Variants in WASF3 observed in about 807,000 individuals in gnomAD.
The protein encoded by WASF3 is WASP family member 3, also known as actin-binding protein WASF3.
Under a neutral mutation model 46.6 loss-of-function variants are expected in WASF3, and 11 were observed. That is an observed-to-expected ratio of 0.24 (90% CI 0.15 to 0.39). The LOEUF (loss-of-function observed/expected upper bound fraction) is 0.39, where lower values mean the gene tolerates loss of function less well. Among genes scored for constraint, WASF3 ranks in the 10% least tolerant of loss-of-function variants. The pLI is 1.00. For synonymous variants in WASF3, 242 were observed against 259.7 expected, an observed-to-expected ratio of 0.93 and a Z score of 0.65; for missense variants, 576 against 669.8, an observed-to-expected ratio of 0.86 and a Z score of 1.55.
chr13:26,590,663 T>G (rs1409031970), intron 1 of WASF3, among the ~76,000 whole-genome samples: 1 of 152,234 alleles, frequency 6.6e-6, no homozygotes, highest in African/African-American at 2.4e-5. Flanking sequence ...AATATTTCTC[T>G]GCGTTCTTCT....
At chr13:26,545,079 G>C in the WASF3 span, among the ~76,000 whole-genome samples, 2 of 152,200 alleles carry the variant, frequency 1.3e-5, no homozygotes, top group Non-Finnish European at 2.9e-5. Flanking sequence ...TCAGAGCATC[G>C]TGTTGTTCTT....
intron 2 of WASF3, among the ~76,000 whole-genome samples, chr13:26,636,593 G>A (rs961400066): frequency 1.3e-5 from 2 of 152,216 alleles, no homozygotes; most frequent in African/African-American, 2.4e-5. Flanking sequence ...CTTCTGCGTC[G>A]ATCATGCTGG....
intron 1 of WASF3, among the ~76,000 whole-genome samples, chr13:26,603,440 G>A (rs537982080): frequency 3.9e-5 from 6 of 152,292 alleles, no homozygotes; most frequent in Non-Finnish European, 5.9e-5. Flanking sequence ...GGAGGCAATA[G>A]GAAGTCAGAG....
At chr13:26,606,544 T>C (rs1880805312) in intron 1 of WASF3, 1 of 150,974 alleles carries the variant, frequency 6.6e-6, no homozygotes, top group Non-Finnish European at 1.5e-5. Flanking sequence ...TTTTTTAAGA[T>C]ACGGATTTTG....
chr13:26,652,342 A>G (rs1008511512), intron 3 of WASF3, among the ~76,000 whole-genome samples: 1 of 152,240 alleles, frequency 6.6e-6, no homozygotes, highest in Non-Finnish European at 1.5e-5. Flanking sequence ...ATGTATATGT[A>G]CCTAACAAGA....
Position 26,682,857 on chromosome 13 carries a change from T to A in WASF3, c.1234T>A (p.Ser412Thr). ...PPPPGPPGPG[S>T]SLSSSPMHGP... ...CCCGCCAGGCCCTCCTGGTCCCGGG[T>A]CTTCTCTTTCGTCCTCCCCAATGCA... Residue 412 changes from serine (S) to threonine (T), a missense_variant, in exon 9 of 10, where the codon TCT becomes ACT. Ser to Thr is a moderately conservative substitution (Grantham distance 58, BLOSUM62 1). Around this residue, in one of 3 missense-constraint regions of WASF3, gnomAD observed 295 missense variants for 291.5 expected, o/e 1.01. Coordinates refer to ENST00000335327, the MANE Select transcript of WASF3 (RefSeq NM_006646.6). This position sits in a 1 kb window ranked among gnomAD's most constrained non-coding sequence, Gnocchi z 4.4. 6.2e-7 allele frequency: 1 copy of A among 1,602,688 alleles called. No individual in the cohort carries two copies. Among genetic ancestry groups the A allele is most frequent in the Non-Finnish European group, 8.5e-7 (1 of 1,177,662 alleles).
At chr13:26,634,353 A>G (rs1448201294) in intron 2 of WASF3, among the ~76,000 whole-genome samples, 3 of 152,018 alleles carry the variant, frequency 2.0e-5, no homozygotes, top group African/African-American at 7.3e-5. Flanking sequence ...ATCTTCCTCC[A>G]TCCCTTTATT....
rs1237986443 is a variant in WASF3 at position 26,614,219 on chromosome 13, G to C, written c.-11+1161G>C. On this transcript the variant is annotated intron_variant, in intron 2 of 9. Transcript: ENST00000335327. ...TTGATCTCTAATCCTAGCTTGCCTT[G>C]ACCTTGGGCATATCATTACATATTA... Among the ~76,000 whole-genome samples, 4 of 152,158 alleles carry C rather than the reference G, an allele frequency of 2.6e-5. No individual in the cohort carries two copies. In the East Asian group the frequency reaches 7.7e-4, roughly 29 times the overall value.
the WASF3 span, among the ~76,000 whole-genome samples, chr13:26,547,093 GGTTGGTTTTT>G: frequency 6.6e-6 from 1 of 151,614 alleles, no homozygotes; most frequent in Non-Finnish European, 1.5e-5. Context: ...ATATCATGGT[GGTTGGTTTTT>G]TTTTTTCCCC....
chr13:26,563,355 A>G (rs1417359986), intron 1 of WASF3, among the ~76,000 whole-genome samples: 1 of 151,906 alleles, frequency 6.6e-6, no homozygotes, highest in Non-Finnish European at 1.5e-5. Context: ...ATAGATGTTT[A>G]TAGATTATAA....
chr13:26,573,815 C>G (rs1335042521), intron 1 of WASF3, among the ~76,000 whole-genome samples: 1 of 152,174 alleles, frequency 6.6e-6, no homozygotes, highest in East Asian at 1.9e-4. Flanking sequence ...CCCTCACATT[C>G]CCTTCATCTC....
chr13:26,664,954 A>G, intron 3 of WASF3, 74 bp from the exon 4 acceptor site: 1 of 1,470,652 alleles, frequency 6.8e-7, no homozygotes, highest in Non-Finnish European at 9.5e-7. Flanking sequence ...AGGAATAAGC[A>G]CTGGTGAGGA....
chr13:26,577,361 C>G, intron 1 of WASF3: 1 of 766,170 alleles, frequency 1.3e-6, no homozygotes, highest in South Asian at 1.3e-5. Flanking sequence ...TCAGCACCAA[C>G]AGGTCCGCCA....
chr13:26,663,952 A>G lies in WASF3; in HGVS notation c.134-1076A>G, dbSNP rs117679436. On this transcript the variant is annotated intron_variant, in intron 3 of 9. Transcript: ENST00000335327. ...TCTGATCCTCTGTTTAGTCAGCCAG[A>G]GAATGAAAACATTAACTTCCTGTTT... 2.9e-3 allele frequency among the ~76,000 whole-genome samples: 438 copies of G among 152,332 alleles called. 19 individuals are homozygous for G. In the East Asian group the frequency reaches 0.063, roughly 22 times the overall value.
At chr13:26,551,203 C>T in the WASF3 span, among the ~76,000 whole-genome samples, 27 of 152,300 alleles carry the variant, frequency 1.8e-4, no homozygotes, top group East Asian at 1.7e-3. Context: ...TTTCCTGAGG[C>T]CTCTCAGCCA....
rs746777629 is a variant in WASF3 at position 26,685,737 on chromosome 13, G to A, written c.1401G>A (p.Arg467=). The A allele has an allele frequency of 8.1e-6, 13 of 1,614,218 alleles. No individual in the cohort carries two copies. In the East Asian group the frequency reaches 2.9e-4, roughly 36 times the overall value. Residue 467 remains arginine, a synonymous_variant, in exon 10 of 10, where the codon CGG becomes CGA. Coordinates refer to ENST00000335327, the MANE Select transcript of WASF3 (RefSeq NM_006646.6). ...AGCAGCGGGAGCAGGAGGCCAAGCG[G>A]GAGCCAGTGGGGAATGACGTGGCCA... ...VQEQREQEAK[R]EPVGNDVATI... is the part of the protein sequence containing the mutation.
At chr13:26,610,915 A>G (rs761277112) in intron 1 of WASF3, among the ~76,000 whole-genome samples, 1 of 152,140 alleles carries the variant, frequency 6.6e-6, no homozygotes, top group African/African-American at 2.4e-5. Flanking sequence ...TTAATTCTTC[A>G]AGACTTTTAT....
At chr13:26,662,481 G>C (rs1315903910) in intron 3 of WASF3, among the ~76,000 whole-genome samples, 1 of 152,182 alleles carries the variant, frequency 6.6e-6, no homozygotes, top group Admixed American at 6.5e-5. Context: ...GAAGAATGAA[G>C]TCATGTCTTT....
chr13:26,541,191 T>G, the WASF3 span, among the ~76,000 whole-genome samples: 2 of 152,068 alleles, frequency 1.3e-5, no homozygotes, highest in Admixed American at 6.5e-5. Flanking sequence ...AAGGCAGAGA[T>G]CCAACTGAGG....
Sources: gnomAD v4.1 joint callset for allele counts (sites outside exome capture counted in the v4.1 genomes callset) on GRCh38, gnomAD v4.1.1 for gene constraint, gnomAD v4.1.1 regional missense constraint, Gnocchi (gnomAD v3.1) non-coding constraint, MANE v1.5 for transcripts, NCBI Gene and HGNC (gene_info 2026-07-23, HGNC 2026-07-21) for gene names.